MSR1: variants seen among roughly 807,000 people sequenced by gnomAD.
The protein encoded by MSR1 is macrophage scavenger receptor 1.
A neutral mutation model predicts 47.2 loss-of-function variants in MSR1; 53 were observed. That is an observed-to-expected ratio of 1.12 (90% CI 0.90 to 1.41). MSR1 has a LOEUF of 1.41. Ranked by LOEUF, MSR1 falls within the 40% of genes most tolerant of loss-of-function variation. MSR1 has a pLI of 0.00. For synonymous variants in MSR1, 239 were observed against 185.6 expected (o/e 1.29, Z -2.34); for missense variants, 786 against 546.9 (o/e 1.44, Z -4.36).
chr8:16,187,321 C>T (rs1303731477), intron 1 of MSR1, among the ~76,000 whole-genome samples: 2 of 142,728 alleles, frequency 1.4e-5, no homozygotes, highest in Admixed American at 1.5e-4. Flanking sequence ...CAAGATCAGG[C>T]CACTGCACTC....
At chr8:16,180,677 C>T (rs1489901589) in intron 1 of MSR1, among the ~76,000 whole-genome samples, 1 of 152,086 alleles carries the variant, frequency 6.6e-6, no homozygotes, top group African/African-American at 2.4e-5. Context: ...AAATGAAGGG[C>T]GATCATTCAG....
At chr8:16,119,532 T>C (rs1489186844) in intron 9 of MSR1, among the ~76,000 whole-genome samples, 1 of 152,012 alleles carries the variant, frequency 6.6e-6, no homozygotes, top group Admixed American at 6.6e-5. Context: ...CAGCCTAATA[T>C]GAAAATTATT....
At chr8:16,138,888 A>G (rs376445498) in intron 8 of MSR1, among the ~76,000 whole-genome samples, 3 of 152,188 alleles carry the variant, frequency 2.0e-5, no homozygotes, top group Admixed American at 6.5e-5. Context: ...AAACCAGAGT[A>G]CCATTGACAA....
chr8:16,137,681 TTAATGTA>T (rs1800425549), intron 8 of MSR1, among the ~76,000 whole-genome samples: 1 of 152,110 alleles, frequency 6.6e-6, no homozygotes, highest in African/African-American at 2.4e-5. Flanking sequence ...CTTCTGAGGA[TTAATGTA>T]TAATGCACCA....
chr8:16,179,935 C>T (rs1036387886), intron 1 of MSR1, among the ~76,000 whole-genome samples: 11 of 147,120 alleles, frequency 7.5e-5, no homozygotes, highest in Admixed American at 1.4e-4. Context: ...TATTTTGAGA[C>T]GGAGTCTCAC....
At chr8:16,112,245 G>C (rs1308729189) in intron 9 of MSR1, among the ~76,000 whole-genome samples, 1 of 152,132 alleles carries the variant, frequency 6.6e-6, no homozygotes, top group Non-Finnish European at 1.5e-5. Flanking sequence ...TGTGTATAAG[G>C]TAATATGCTA....
At chr8:16,172,800 A>G (rs1053070637) in intron 3 of MSR1, among the ~76,000 whole-genome samples, 1 of 152,142 alleles carries the variant, frequency 6.6e-6, no homozygotes, top group Non-Finnish European at 1.5e-5. Flanking sequence ...AAACCTTATA[A>G]TTAAGAAAAT....
At chr8:16,130,587 G>A (rs571795770) in intron 8 of MSR1, among the ~76,000 whole-genome samples, 1 of 152,116 alleles carries the variant, frequency 6.6e-6, no homozygotes, top group East Asian at 1.9e-4. Flanking sequence ...TGTCTTCGAG[G>A]TAATAAGCAT....
At chr8:16,178,626 G>C (rs926635957) in intron 1 of MSR1, among the ~76,000 whole-genome samples, 4 of 152,130 alleles carry the variant, frequency 2.6e-5, no homozygotes, top group Non-Finnish European at 4.4e-5. Context: ...ACCCAGTAAT[G>C]GGATGGCTGG....
rs528340671 is a variant in MSR1, at chr8:16,164,312, G to A, written c.631-61C>T. ...ACATACATAATTATCAAATATGAAA[G>A]TTCAAGAAACCCTCGGAGTTCAGGT... On this transcript the variant is annotated intron_variant, in intron 4 of 9. Coordinates refer to ENST00000262101, the MANE Select transcript of MSR1 (RefSeq NM_138715.3). The A allele has an allele frequency of 2.2e-5, 32 of 1,452,626 alleles. 1 individual carries two copies. In the South Asian group the frequency reaches 3.0e-4, roughly 14 times the overall value. The allele number at this position is 1,452,626 out of a possible 1,614,324, so 90.0% of individuals were successfully genotyped here. A position where few individuals can be genotyped will look rare whatever the true frequency, so the allele number is the denominator to read the frequency against.
chr8:16,150,312 C>A lies in MSR1; in HGVS notation c.899-1G>T. On this transcript the variant is annotated splice_acceptor_variant, in intron 6 of 9. Transcript: ENST00000262101. LOFTEE classifies it high-confidence loss of function. Reference sequence around the variant, plus strand: ...CGATCACCTTTAAGACCCGGAGGACCTACATTATTAACGAAGAAAAAAAGA... The same window carrying A: ...CGATCACCTTTAAGACCCGGAGGACATACATTATTAACGAAGAAAAAAAGA... 6.5e-7 allele frequency: 1 copy of A among 1,549,548 alleles called. No individual in the cohort carries two copies. Among genetic ancestry groups the A allele is most frequent in the Non-Finnish European group, 8.8e-7 (1 of 1,142,020 alleles).
chr8:16,143,853 C>A (rs1283391879), intron 7 of MSR1, among the ~76,000 whole-genome samples: 1 of 152,076 alleles, frequency 6.6e-6, no homozygotes, highest in Non-Finnish European at 1.5e-5. Flanking sequence ...TTTCCTAAAT[C>A]AAGCAAAGCT....
Position 16,158,930 on chromosome 8 carries a change from A to ATTTTTT in MSR1, c.818-3792_818-3787dup, listed in dbSNP as rs34495946. ...CAATTCAGTTTTTTTCCTTTGGTTA[A>ATTTTTT]TTTTTTTTTTTTTTTTTTTTTCAGA... On this transcript the variant is annotated intron_variant, in intron 5 of 9. Transcript: ENST00000262101. Among the ~76,000 whole-genome samples the ATTTTTT allele has an allele frequency of 8.9e-4, 96 of 107,800 alleles. 3 individuals are homozygous for ATTTTTT. In the East Asian group the frequency reaches 9.0e-3, roughly 10 times the overall value. The allele number at this position is 107,800 out of a possible 152,430, so 70.7% of individuals were successfully genotyped here.
In MSR1 at chr8:16,162,086, A is replaced by T. The variant is rs547392573; in HGVS notation, c.817+1979T>A. Among the ~76,000 whole-genome samples, 3 of 152,186 alleles carry T rather than the reference A, an allele frequency of 2.0e-5. No homozygotes were observed. The South Asian group carries it at 6.2e-4, about 32-fold the overall frequency. The stretch of plus-strand genomic sequence containing the variant: ...AACTGATAGACATAAATCCACTAAT[A>T]TAAGAAGTACAGCAAATGTTAGATG... On this transcript the variant is annotated intron_variant, in intron 5 of 9. Transcript: ENST00000262101.
rs750677948 is a variant in MSR1 at position 16,168,751 on chromosome 8, CT to C, written c.336del (p.Val113SerfsTer6). On this transcript the variant is annotated frameshift_variant, in exon 4 of 10. Coordinates refer to ENST00000262101, the MANE Select transcript of MSR1 (RefSeq NM_138715.3). LOFTEE classifies it high-confidence loss of function. Reference protein sequence around the residue: ...NDSEEEMRFQEVFMEHMSNME... With the variant: ...NDSEEEMRFQXVFMEHMSNME... ...ATGTTGCTCATGTGTTCCATAAAGA[CT>C]TCTTGAAATCTCATTTCCTCTTCGC... is the stretch of plus-strand genomic sequence containing the variant. 2.5e-6 allele frequency: 4 copies of C among 1,614,144 alleles called. No homozygotes were observed. The highest frequency in any genetic ancestry group is 3.4e-6 in the Non-Finnish European group (4 of 1,180,014).
intron 1 of MSR1, among the ~76,000 whole-genome samples, chr8:16,181,489 G>C (rs540386367): frequency 1.3e-5 from 2 of 152,242 alleles, no homozygotes; most frequent in East Asian, 3.9e-4. Context: ...GTGAGTTCAT[G>C]TCCTTTGCAG....
Position 16,185,167 on chromosome 8 carries a change from A to G in MSR1, c.-4-7175T>C, listed in dbSNP as rs199627698. On this transcript the variant is annotated intron_variant, in intron 1 of 9. Coordinates refer to ENST00000262101, the MANE Select transcript of MSR1 (RefSeq NM_138715.3). ...ATGTATATTTTCCAGAAAAAAAAAA[A>G]AGCTCACATTCATCAGAGATAATGA... 1.7e-4 allele frequency among the ~76,000 whole-genome samples: 24 copies of G among 142,614 alleles called. No individual in the cohort carries two copies. The Admixed American group carries it at 1.7e-3, about 10-fold the overall frequency. The allele number at this position is 142,614 out of a possible 152,430, so 93.6% of individuals were successfully genotyped here. A position where few individuals can be genotyped will look rare whatever the true frequency, so the allele number is the denominator to read the frequency against.
At position 16,150,888 on chromosome 8, in the gene MSR1, G is replaced by GCACACACACA. The variant is rs754386463; in HGVS notation, c.899-578_899-577insTGTGTGTGTG. On this transcript the variant is annotated intron_variant, in intron 6 of 9. Transcript: ENST00000262101. Reference sequence around the variant, plus strand: ...CACACACACACACACACACACACATGCGATACACAGATTTACTTATGAGTA... The same window carrying GCACACACACA: ...CACACACACACACACACACACACATGCACACACACACGATACACAGATTTACTTATGAGTA... Among the ~76,000 whole-genome samples the GCACACACACA allele has an allele frequency of 5.3e-3, 611 of 115,796 alleles. 5 individuals carry two copies. The highest frequency in any genetic ancestry group is 0.01 in the South Asian group (42 of 4,060). The allele number at this position is 115,796 out of a possible 152,430, so 76.0% of individuals were successfully genotyped here.
intron 8 of MSR1, chr8:16,121,135 C>T (rs1799996777): frequency 4.6e-6 from 2 of 435,292 alleles, no homozygotes; most frequent in African/African-American, 2.0e-5. Context: ...TGACAACCTT[C>T]ATTTAGAAAT....
Sources: allele counts gnomAD v4.1 joint callset (sites outside exome capture counted in the v4.1 genomes callset), GRCh38; gene constraint gnomAD v4.1.1; transcripts MANE v1.5; gene names NCBI Gene and HGNC (gene_info 2026-07-23, HGNC 2026-07-21).